CACNG2: variants seen among roughly 807,000 people sequenced by gnomAD.
CACNG2 encodes calcium voltage-gated channel auxiliary subunit gamma 2.
In CACNG2, 3 loss-of-function variants were observed where a neutral mutation model predicts 25.9. The observed-to-expected ratio is 0.12, with a 90% CI of 0.05 to 0.30. The LOEUF (loss-of-function observed/expected upper bound fraction) is 0.30, where lower values mean the gene tolerates loss of function less well. Among genes scored for constraint, CACNG2 ranks in the 10% least tolerant of loss-of-function variants. The pLI is 1.00. For missense variants in CACNG2, 341 were observed against 432.5 expected (o/e 0.79, Z 1.88); for synonymous variants, 167 against 173.3 (o/e 0.96, Z 0.29).
In CACNG2 at chr22:36,644,801, T is replaced by C. The variant is rs80187737; in HGVS notation, c.212-57253A>G. Among the ~76,000 whole-genome samples the C allele has an allele frequency of 2.6e-5, 4 of 152,022 alleles. No homozygotes were observed. In the South Asian group the frequency reaches 8.3e-4, roughly 31 times the overall value. On this transcript the variant is annotated intron_variant, in intron 1 of 3. Transcript: ENST00000300105. The stretch of plus-strand genomic sequence containing the variant: ...TGAATAAGCCCTATATAAGTGGTTT[T>C]TTTTGTTTGTTTTTGTTTTTGTTTT...
At chr22:36,674,064 T>G (rs1936991455) in intron 1 of CACNG2, among the ~76,000 whole-genome samples, 1 of 152,206 alleles carries the variant, frequency 6.6e-6, no homozygotes, top group Non-Finnish European at 1.5e-5. Context: ...GTGGTGCCCA[T>G]GCTTGGCCAA....
chr22:36,689,545 T>G (rs1045682760), intron 1 of CACNG2, among the ~76,000 whole-genome samples: 1 of 152,224 alleles, frequency 6.6e-6, no homozygotes, highest in African/African-American at 2.4e-5. Context: ...GTCTGACCAT[T>G]CTTTGAGATT....
rs145737369 is a variant in CACNG2, at chr22:36,594,681, G to A, written c.212-7133C>T. The stretch of plus-strand genomic sequence containing the variant: ...AGCAGGGAGGGGTCCGTGTATGCCC[G>A]CGTGTGTGTCTGTGTGTGTGTCTGT... On this transcript the variant is annotated intron_variant, in intron 1 of 3. Transcript: ENST00000300105. Among the ~76,000 whole-genome samples the A allele has an allele frequency of 3.0e-3, 462 of 152,048 alleles. 1 individual carries two copies. The highest frequency in any genetic ancestry group is 4.1e-3 in the Admixed American group (63 of 15,232).
chr22:36,651,302 C>T (rs1461109798), intron 1 of CACNG2, among the ~76,000 whole-genome samples: 1 of 135,676 alleles, frequency 7.4e-6, no homozygotes, highest in Non-Finnish European at 1.5e-5. Flanking sequence ...AATCTCGGCT[C>T]ACTGCAACCT....
At chr22:36,576,574 G>A (rs1040534583) in intron 2 of CACNG2, among the ~76,000 whole-genome samples, 2 of 148,344 alleles carry the variant, frequency 1.3e-5, no homozygotes, top group Non-Finnish European at 1.5e-5. Flanking sequence ...CTGTGTGTGC[G>A]TGTGTGTGTG....
At chr22:36,699,885 C>T (rs553091626) in intron 1 of CACNG2, among the ~76,000 whole-genome samples, 5 of 152,346 alleles carry the variant, frequency 3.3e-5, no homozygotes, top group African/African-American at 1.2e-4. Context: ...CTTACAATCT[C>T]CAAACTACTT....
chr22:36,670,558 T>C (rs931962612), intron 1 of CACNG2, among the ~76,000 whole-genome samples: 1 of 152,154 alleles, frequency 6.6e-6, no homozygotes, highest in Non-Finnish European at 1.5e-5. Context: ...TCCAGGGCAG[T>C]GTTCTAGAAG....
In CACNG2 at chr22:36,622,418, CT is replaced by C. The variant is rs371532322; in HGVS notation, c.212-34871del. 5.3e-5 allele frequency among the ~76,000 whole-genome samples: 8 copies of C among 152,314 alleles called. No homozygotes were observed. In the South Asian group the frequency reaches 1.2e-3, roughly 24 times the overall value. The stretch of plus-strand genomic sequence containing the variant: ...CAAAGTGCTGAGGTCCAGGGATGTA[CT>C]CATCATGAGGATCATGAGGTCCAGG... On this transcript the variant is annotated intron_variant, in intron 1 of 3. Coordinates refer to ENST00000300105, the MANE Select transcript of CACNG2 (RefSeq NM_006078.5).
chr22:36,671,282 T>C (rs571677911), intron 1 of CACNG2, among the ~76,000 whole-genome samples: 1 of 152,342 alleles, frequency 6.6e-6, no homozygotes, highest in Non-Finnish European at 1.5e-5. Flanking sequence ...CTTGTAGTAA[T>C]ACATTCTCTT....
chr22:36,676,211 C>G (rs1937018325), intron 1 of CACNG2, among the ~76,000 whole-genome samples: 4 of 152,218 alleles, frequency 2.6e-5, no homozygotes, highest in Admixed American at 2.6e-4. Context: ...TGATCTTGCT[C>G]TCTCTGTAGC....
intron 1 of CACNG2, among the ~76,000 whole-genome samples, chr22:36,677,941 G>A (rs748289863): frequency 1.3e-5 from 2 of 152,154 alleles, no homozygotes; most frequent in Non-Finnish European, 2.9e-5. Flanking sequence ...TGGTTTGACT[G>A]CCCCATGATT....
chr22:36,605,932 G>A (rs890063469), intron 1 of CACNG2, among the ~76,000 whole-genome samples: 4 of 152,154 alleles, frequency 2.6e-5, no homozygotes, highest in South Asian at 2.1e-4. Flanking sequence ...TGGAGTAGGC[G>A]GATAATGAAT....
intron 1 of CACNG2, among the ~76,000 whole-genome samples, chr22:36,670,224 G>C (rs1014599777): frequency 6.6e-6 from 1 of 152,138 alleles, no homozygotes; most frequent in Non-Finnish European, 1.5e-5. Flanking sequence ...CTGGCTAAAG[G>C]GCAAATATGA....
intron 1 of CACNG2, among the ~76,000 whole-genome samples, chr22:36,626,001 C>A (rs1334051232): frequency 6.6e-6 from 1 of 152,118 alleles, no homozygotes; most frequent in African/African-American, 2.4e-5. Context: ...CTCACTGCAA[C>A]CTCCGCCCCC....
intron 1 of CACNG2, among the ~76,000 whole-genome samples, chr22:36,696,331 C>T (rs186319848): frequency 1.3e-5 from 2 of 152,290 alleles, no homozygotes; most frequent in East Asian, 1.9e-4. Flanking sequence ...CTCCATCTCT[C>T]TCTCCCTCCT....
intron 1 of CACNG2, among the ~76,000 whole-genome samples, chr22:36,643,935 T>C (rs1354421992): frequency 6.6e-6 from 1 of 152,112 alleles, no homozygotes; most frequent in Non-Finnish European, 1.5e-5. Context: ...ATCCGGAAAA[T>C]GGCAGAGTTG....
At chr22:36,573,403 T>C (rs1342764490) in intron 2 of CACNG2, among the ~76,000 whole-genome samples, 1 of 152,198 alleles carries the variant, frequency 6.6e-6, no homozygotes, top group Non-Finnish European at 1.5e-5. Flanking sequence ...TGATCTCGGC[T>C]CACTGTAACC....
intron 1 of CACNG2, among the ~76,000 whole-genome samples, chr22:36,694,793 C>T (rs934220305): frequency 2.6e-5 from 4 of 152,214 alleles, no homozygotes; most frequent in Admixed American, 6.5e-5. Flanking sequence ...ACTGTCAACA[C>T]ATTTTTAAAT....
Position 36,581,476 on chromosome 22 carries a change from A to G in CACNG2, c.295+5989T>C, listed in dbSNP as rs1357385501. Reference sequence around the variant, plus strand: ...TGCTGGCTTGAGCGCGGTGAGCCCCACCATCCTTTCCACCCCCGGAGATGA... The same window carrying G: ...TGCTGGCTTGAGCGCGGTGAGCCCCGCCATCCTTTCCACCCCCGGAGATGA... On this transcript the variant is annotated intron_variant, in intron 2 of 3. Transcript: ENST00000300105. Among the ~76,000 whole-genome samples, 3 of 152,176 alleles carry G rather than the reference A, an allele frequency of 2.0e-5. No homozygotes were observed. In the East Asian group the frequency reaches 5.8e-4, roughly 29 times the overall value.
Sources: allele counts gnomAD v4.1 joint callset (sites outside exome capture counted in the v4.1 genomes callset), GRCh38; gene constraint gnomAD v4.1.1; transcripts MANE v1.5; gene names NCBI Gene and HGNC (gene_info 2026-07-23, HGNC 2026-07-21).